The following DHRSX variants were observed in gnomAD, a reference collection of about 807,000 sequenced individuals.
The protein encoded by DHRSX is dehydrogenase/reductase X-linked.
DHRSX carries 31 observed loss-of-function variants against 34.0 expected under a neutral mutation model. That is an observed-to-expected ratio of 0.91 (90% CI 0.69 to 1.23). The LOEUF is 1.23. DHRSX is among the 50% of genes most tolerant of loss of function. The pLI, the probability that DHRSX is intolerant of heterozygous loss-of-function variation, is 0.00. For synonymous variants in DHRSX, 201 were observed against 183.8 expected, an observed-to-expected ratio of 1.09 and a Z score of -0.76; for missense variants, 414 against 428.1, an observed-to-expected ratio of 0.97 and a Z score of 0.29.
At chrX:2,340,748 G>A (rs2042630740) in intron 3 of DHRSX, among the ~76,000 whole-genome samples, 1 of 152,058 alleles carries the variant, frequency 6.6e-6, no homozygotes, top group South Asian at 2.1e-4. Context: ...TGTCTACTAG[G>A]CTTGGGAGAA....
chrX:2,244,060 C>T (rs770723267), intron 5 of DHRSX, among the ~76,000 whole-genome samples: 60 of 151,998 alleles, frequency 3.9e-4, no homozygotes, highest in Non-Finnish European at 7.6e-4. Context: ...CATGAGCCAC[C>T]GCGCCTGGCC....
chrX:2,350,973 C>T (rs190168790), intron 3 of DHRSX, among the ~76,000 whole-genome samples: 5 of 152,164 alleles, frequency 3.3e-5, no homozygotes, highest in Admixed American at 2.6e-4. Flanking sequence ...AGCAAACTAA[C>T]AGAGGAACAG....
In DHRSX at chrX:2,252,066, C is replaced by T. The variant is rs182532298; in HGVS notation, c.597-8836G>A. 2.3e-3 allele frequency among the ~76,000 whole-genome samples: 344 copies of T among 152,006 alleles called. 3 individuals carry two copies. The South Asian group carries it at 0.029, about 13-fold the overall frequency. On this transcript the variant is annotated intron_variant, in intron 5 of 6. Transcript: ENST00000334651. ...TAGCCTGGCCAACATGGTGAAACCCCGTCTCTACTAAAAATACAAAAATTA... is the reference window on the plus strand; with the variant it reads ...TAGCCTGGCCAACATGGTGAAACCCTGTCTCTACTAAAAATACAAAAATTA...
chrX:2,240,448 G>A (rs1288106298), intron 6 of DHRSX, among the ~76,000 whole-genome samples: 2 of 151,900 alleles, frequency 1.3e-5, no homozygotes, highest in Non-Finnish European at 2.9e-5. Flanking sequence ...CATATCATGA[G>A]AGACTTTCAG....
At chrX:2,339,739 T>C (rs34639914) in intron 3 of DHRSX, among the ~76,000 whole-genome samples, 50,854 of 152,054 alleles carry the variant, frequency 0.33, 12,086 homozygotes, top group African/African-American at 0.67. Flanking sequence ...ATGGTGTCTA[T>C]GTGCCACATT....
chrX:2,456,322 T>C (rs1286063094), intron 1 of DHRSX, among the ~76,000 whole-genome samples: 3 of 152,024 alleles, frequency 2.0e-5, no homozygotes, highest in Non-Finnish European at 4.4e-5. Flanking sequence ...GAATCAAGAA[T>C]GAAGGGTGCG....
intron 1 of DHRSX, among the ~76,000 whole-genome samples, chrX:2,474,297 A>G (rs17842871): frequency 0.21 from 31,295 of 151,606 alleles, 4,316 homozygotes; most frequent in African/African-American, 0.39. Context: ...CAATCAAGAC[A>G]ATCCCTAAGC....
rs182425311 is a variant in DHRSX, at chrX:2,283,362, A to G, written c.388+8140T>C. Among the ~76,000 whole-genome samples, 29 of 152,248 alleles carry G rather than the reference A, an allele frequency of 1.9e-4. 1 individual carries two copies. The highest frequency in any genetic ancestry group is 6.0e-4 in the African/African-American group (25 of 41,542). ...CCACTACGGAACAGAAAGCTACTCT[A>G]TCCACAGGAGAGCAGCTCTGGAAGA... On this transcript the variant is annotated intron_variant, in intron 4 of 6. Coordinates refer to ENST00000334651, the MANE Select transcript of DHRSX (RefSeq NM_145177.3).
intron 3 of DHRSX, among the ~76,000 whole-genome samples, chrX:2,394,736 CGTGCCTG>C (rs2043387213): frequency 6.6e-6 from 1 of 152,032 alleles, no homozygotes; most frequent in Non-Finnish European, 1.5e-5. Flanking sequence ...CGTGGTGGCA[CGTGCCTG>C]TAGTCCCAGC....
At chrX:2,392,519 A>G (rs2043346813) in intron 3 of DHRSX, 1 of 229,128 alleles carries the variant, frequency 4.4e-6, no homozygotes, top group Admixed American at 5.3e-5. Flanking sequence ...TTTTATGTAT[A>G]TATTAATTTT....
chrX:2,274,794 C>T (rs1436171723), intron 4 of DHRSX, among the ~76,000 whole-genome samples: 3 of 152,076 alleles, frequency 2.0e-5, no homozygotes, highest in Admixed American at 2.0e-4. Context: ...CCACCTGAAA[C>T]GCTGATATTT....
intron 5 of DHRSX, among the ~76,000 whole-genome samples, chrX:2,265,101 G>A (rs1325226814): frequency 7.1e-6 from 1 of 140,344 alleles, no homozygotes; most frequent in Non-Finnish European, 1.5e-5. Context: ...AGGGAGCACT[G>A]TCCCCAGAGC....
rs181732196 is a variant in DHRSX, at chrX:2,230,396, A to T, written c.805-9167T>A. Among the ~76,000 whole-genome samples, 797 of 152,264 alleles carry T rather than the reference A, an allele frequency of 5.2e-3. 4 individuals carry two copies. Among genetic ancestry groups the T allele is most frequent in the African/African-American group, 0.019 (772 of 41,558 alleles). On this transcript the variant is annotated intron_variant, in intron 6 of 6. Coordinates refer to ENST00000334651, the MANE Select transcript of DHRSX (RefSeq NM_145177.3). ...TACAATCTCGTAAGACACACACACA[A>T]ACCTGCTCTTACCAGGAATAAACAC...
chrX:2,446,093 A>ACAAC (rs2044130071), intron 1 of DHRSX, among the ~76,000 whole-genome samples: 1 of 151,750 alleles, frequency 6.6e-6, no homozygotes, highest in African/African-American at 2.4e-5. Context: ...ATGTTCCCGA[A>ACAAC]GAACGTGGCA....
chrX:2,481,993 C>A (rs2044780125), intron 1 of DHRSX, among the ~76,000 whole-genome samples: 1 of 151,842 alleles, frequency 6.6e-6, no homozygotes, highest in South Asian at 2.1e-4. Context: ...GAGACAGTCG[C>A]CCAGGCTATT....
chrX:2,385,141 T>C lies in DHRSX; in HGVS notation c.286+23604A>G, dbSNP rs755332273. On this transcript the variant is annotated intron_variant, in intron 3 of 6. Coordinates refer to ENST00000334651, the MANE Select transcript of DHRSX (RefSeq NM_145177.3). ...GTGTGTGTGTGTGTGTGTGTGTATGTGTATATATATGTGTGTGTGTGTATA... is the reference window on the plus strand; with the variant it reads ...GTGTGTGTGTGTGTGTGTGTGTATGCGTATATATATGTGTGTGTGTGTATA... Among the ~76,000 whole-genome samples the C allele has an allele frequency of 9.3e-5, 14 of 151,140 alleles. No homozygotes were observed. In the East Asian group the frequency reaches 2.5e-3, roughly 27 times the overall value.
In DHRSX at chrX:2,402,376, C is replaced by T. The variant is rs185557900; in HGVS notation, c.286+6369G>A. Among the ~76,000 whole-genome samples the T allele has an allele frequency of 1.6e-4, 24 of 152,300 alleles. No individual in the cohort carries two copies. The East Asian group carries it at 3.1e-3, about 20-fold the overall frequency. On this transcript the variant is annotated intron_variant, in intron 3 of 6. Transcript: ENST00000334651. ...AGCACAATTTAGAGCAAGGTTCGTA[C>T]GGGTTTGGTGGAGGTGTGCCCAGGT... is the stretch of plus-strand genomic sequence containing the variant.
chrX:2,378,179 GT>G (rs2043163705), intron 3 of DHRSX, among the ~76,000 whole-genome samples: 1 of 152,250 alleles, frequency 6.6e-6, no homozygotes, highest in African/African-American at 2.4e-5. Flanking sequence ...CTCCAGGAAT[GT>G]CCTTTGACAC....
At chrX:2,373,258 T>C (rs2043101434) in intron 3 of DHRSX, among the ~76,000 whole-genome samples, 1 of 152,194 alleles carries the variant, frequency 6.6e-6, no homozygotes, top group Non-Finnish European at 1.5e-5. Context: ...GTGGGAATCA[T>C]TACAATTCCA....
Sources: allele counts gnomAD v4.1 joint callset (sites outside exome capture counted in the v4.1 genomes callset), GRCh38; gene constraint gnomAD v4.1.1; transcripts MANE v1.5; gene names NCBI Gene and HGNC (gene_info 2026-07-23, HGNC 2026-07-21).